CEP72: variants seen among roughly 807,000 people sequenced by gnomAD.
The protein encoded by CEP72 is centrosomal protein of 72 kDa.
In CEP72, 78 loss-of-function variants were observed where a neutral mutation model predicts 65.7. That is an observed-to-expected ratio of 1.19 (90% CI 0.99 to 1.43). The LOEUF is 1.43. Among genes scored for constraint, CEP72 ranks in the 40% most tolerant of loss-of-function variants. The pLI is 0.00. For synonymous variants in CEP72, 358 were observed against 351.7 expected (o/e 1.02, Z -0.20); for missense variants, 914 against 832.9 (o/e 1.10, Z -1.20).
At chr5:654,232 T>A (rs541732586), downstream of CEP72, among the ~76,000 whole-genome samples, 54 of 150,078 alleles carry the variant, frequency 3.6e-4, no homozygotes, top group African/African-American at 1.3e-3. Flanking sequence ...GCTGTGTGTG[T>A]GCTAGCTGTG....
intron 9 of CEP72, chr5:643,401 G>A (rs1046568339): frequency 1.3e-5 from 13 of 985,308 alleles, no homozygotes; most frequent in Admixed American, 6.1e-5. Context: ...AATGAAGAAC[G>A]GGCCAAGATA....
chr5:637,922 G>A (rs1737727419), intron 7 of CEP72, 104 bp downstream of exon 7: 1 of 1,120,520 alleles, frequency 8.9e-7, no homozygotes, highest in Admixed American at 2.9e-5. Flanking sequence ...CACTGACTGT[G>A]TCCCTCCCTG....
In CEP72 at chr5:633,769, A is replaced by G; in HGVS notation, c.513A>G (p.Arg171=). The change falls in exon 5 of 12, where the codon AGA becomes AGG. Residue 171 remains arginine, a splice_region_variant and synonymous_variant. Coordinates refer to ENST00000264935, the MANE Select transcript of CEP72 (RefSeq NM_018140.4). ...ESVPASLKEG[R]PHHPRAKCTE... ...CTGATGAGTTTGCTTTTCCTTACAG[A>G]CCACACCACCCCAGAGCCAAGTGCA... 6.2e-7 allele frequency: 1 copy of G among 1,613,896 alleles called. No individual in the cohort carries two copies. Among genetic ancestry groups the G allele is most frequent in the Non-Finnish European group, 8.5e-7 (1 of 1,179,956 alleles).
intron 1 of CEP72, among the ~76,000 whole-genome samples, chr5:618,133 C>T (rs775609549): frequency 4.0e-5 from 6 of 151,826 alleles, no homozygotes; most frequent in Admixed American, 6.6e-5. Flanking sequence ...GAAGTGGAGG[C>T]GGGAGATGAA....
At chr5:639,358 C>T (rs1295298391) in intron 8 of CEP72, 134 bp downstream of exon 8, 10 of 1,034,070 alleles carry the variant, frequency 9.7e-6, no homozygotes, top group Non-Finnish European at 1.4e-5. Flanking sequence ...GTGTGGTGGT[C>T]CCGCGCCTGG....
chr5:656,227 A>G (rs967379161), downstream of CEP72, among the ~76,000 whole-genome samples: 3 of 152,178 alleles, frequency 2.0e-5, no homozygotes, highest in African/African-American at 7.2e-5. Flanking sequence ...GTCTCTGCCA[A>G]TACCACACAC....
In CEP72 at chr5:620,239, G is replaced by A. The variant is rs1232931053; in HGVS notation, c.381G>A (p.Leu127=). ...EPDYRLFVVH[L]LPKLQQLDDR... Reference sequence around the variant, plus strand: ...ACTACCGCCTTTTTGTTGTGCACCTGCTCCCCAAGCTCCAGCAGCTGGGTA... The same window carrying A: ...ACTACCGCCTTTTTGTTGTGCACCTACTCCCCAAGCTCCAGCAGCTGGGTA... Residue 127 remains leucine, a synonymous_variant, in exon 3 of 12, where the codon CTG becomes CTA. Transcript: ENST00000264935. 6.2e-7 allele frequency: 1 copy of A among 1,613,650 alleles called. No individual in the cohort carries two copies. Among genetic ancestry groups the A allele is most frequent in the Admixed American group, 1.7e-5 (1 of 60,014 alleles).
intron 4 of CEP72, chr5:666,842 A>G (rs1241392546): frequency 6.6e-6 from 1 of 152,202 alleles, no homozygotes; most frequent in Non-Finnish European, 1.5e-5. Context: ...CTAATTAGAA[A>G]ACATTTTTCT....
In CEP72 at chr5:612,378, C is replaced by T. The variant is rs1029131776; in HGVS notation, c.17C>T (p.Pro6Leu). Reference protein sequence around the residue: MARAGPRLVLSEEAVR... With the variant: MARAGLRLVLSEEAVR... Reference sequence around the variant, plus strand: ...GTTTGAAACATGGCGCGGGCTGGCCCTCGGCTGGTGCTGAGCGAGGAGGCG... The same window carrying T: ...GTTTGAAACATGGCGCGGGCTGGCCTTCGGCTGGTGCTGAGCGAGGAGGCG... The change falls in exon 1 of 12, where the codon CCT (proline) becomes CTT (leucine). Residue 6 changes from proline to leucine, a missense_variant. Transcript: ENST00000264935. 16 of 1,491,320 alleles carry T rather than the reference C, an allele frequency of 1.1e-5. No individual in the cohort carries two copies. The African/African-American group carries it at 1.2e-4, about 11-fold the overall frequency. 92.4% of individuals were successfully genotyped at this position (1,491,320 alleles called of 1,614,324 possible).
chr5:637,437 T>C, intron 6 of CEP72, 80 bp from the exon 7 acceptor site: 5 of 1,286,606 alleles, frequency 3.9e-6, no homozygotes, highest in African/African-American at 1.5e-5. Context: ...GGCACACACA[T>C]GCCTTTTAAA....
At chr5:612,491 T>TGTGGGGGGGGGGGGGG in intron 1 of CEP72, 48 bp downstream of exon 1, 1 of 567,446 alleles carries the variant, frequency 1.8e-6, no homozygotes, top group Non-Finnish European at 2.7e-6. Context: ...GGCGGGGGGG[T>TGTGGGGGGGGGGGGGG]GGGTGCCGAG....
chr5:638,798 C>T (rs1279775143), intron 7 of CEP72, among the ~76,000 whole-genome samples: 1 of 152,154 alleles, frequency 6.6e-6, no homozygotes, highest in East Asian at 1.9e-4. Flanking sequence ...GTGTCTTCCG[C>T]TTCCCTGTCT....
chr5:642,533 C>T (rs1231635598), intron 9 of CEP72: 2 of 985,400 alleles, frequency 2.0e-6, no homozygotes, highest in Non-Finnish European at 2.4e-6. Flanking sequence ...ACAGAGCTGA[C>T]AGGCGGAGCC....
chr5:653,885 AT>A (rs1453088451), downstream of CEP72, among the ~76,000 whole-genome samples: 6 of 152,234 alleles, frequency 3.9e-5, no homozygotes, highest in South Asian at 4.1e-4. Context: ...AGACAAGGTC[AT>A]TTTTTAAATG....
intron 6 of CEP72, among the ~76,000 whole-genome samples, chr5:636,072 A>AAGTTTCCAGCTT: frequency 6.6e-6 from 1 of 152,376 alleles, no homozygotes; most frequent in African/African-American, 2.4e-5. Flanking sequence ...GAGTGGCAAT[A>AAGTTTCCAGCTT]AGTTTCCAGC....
intron 11 of CEP72, among the ~76,000 whole-genome samples, chr5:651,220 G>GGACTGTGAGGTGT (rs1739048043): frequency 1.1e-5 from 1 of 89,382 alleles, no homozygotes; most frequent in African/African-American, 4.5e-5. Flanking sequence ...TGTGAGGCGT[G>GGACTGTGAGGTGT]GACTGTGAGG....
rs144773883 is a variant in CEP72, at chr5:642,624, C to T, written c.1540-1675C>T. The T allele has an allele frequency of 7.9e-4, 783 of 985,486 alleles. 2 individuals are homozygous for T. The highest frequency in any genetic ancestry group is 8.7e-4 in the Non-Finnish European group (724 of 829,938). The allele number at this position is 985,486 out of a possible 1,614,324, so 61.0% of individuals were successfully genotyped here. The stretch of plus-strand genomic sequence containing the variant: ...CTGCCGTGGACGCCTGCTTTTTTGC[C>T]CTCTGCAGTTTGCCTAACCCCTGCA... On this transcript the variant is annotated intron_variant, in intron 9 of 11. Coordinates refer to ENST00000264935, the MANE Select transcript of CEP72 (RefSeq NM_018140.4).
intron 11 of CEP72, among the ~76,000 whole-genome samples, chr5:652,018 G>C (rs1250805418): frequency 1.3e-5 from 2 of 152,166 alleles, no homozygotes; most frequent in Non-Finnish European, 2.9e-5. Flanking sequence ...AGAGGGGAAG[G>C]GTCCTGAAAG....
chr5:665,240 G>A (rs756629856), exon 3 of CEP72: 1 of 1,613,776 alleles, frequency 6.2e-7, no homozygotes, highest in Non-Finnish European at 8.5e-7. Flanking sequence ...CCTTGTGGGA[G>A]CCCGTGAACT....
Sources: gnomAD v4.1 joint callset for allele counts (sites outside exome capture counted in the v4.1 genomes callset) on GRCh38, gnomAD v4.1.1 for gene constraint, MANE v1.5 for transcripts, NCBI Gene and HGNC (gene_info 2026-07-23, HGNC 2026-07-21) for gene names.